CACNA1E: variants seen among roughly 807,000 people sequenced by gnomAD.
The protein encoded by CACNA1E is voltage-dependent R-type calcium channel subunit alpha-1E.
Under a neutral mutation model 259.2 loss-of-function variants are expected in CACNA1E, and 40 were observed. The observed-to-expected ratio is 0.15, with a 90% CI of 0.12 to 0.20. CACNA1E has a LOEUF of 0.20. Among genes scored for constraint, CACNA1E ranks in the 10% least tolerant of loss-of-function variants. CACNA1E has a pLI of 1.00. For synonymous variants in CACNA1E, 1,104 were observed against 1,138.5 expected (o/e 0.97, Z 0.61); for missense variants, 1,874 against 3,040.1 (o/e 0.62, Z 9.02).
rs552768814 is a variant in CACNA1E, at chr1:181,799,045, A to G, written c.*211A>G. 3.0e-5 allele frequency: 14 copies of G among 465,094 alleles called. No homozygotes were observed. Among genetic ancestry groups the G allele is most frequent in the Non-Finnish European group, 4.1e-5 (11 of 267,086 alleles). 28.8% of individuals were successfully genotyped at this position (465,094 alleles called of 1,614,324 possible). On this transcript the variant is annotated 3_prime_UTR_variant, in exon 48 of 48. Coordinates refer to ENST00000367573, the MANE Select transcript of CACNA1E (RefSeq NM_001205293.3). ...TCCCCTTTGCAAGATGGGCACTGCC[A>G]TAGTTCTGCCTCTTTGCTGGGGAAA...
chr1:181,517,339 G>A (rs1666661892), intron 3 of CACNA1E, among the ~76,000 whole-genome samples: 1 of 152,064 alleles, frequency 6.6e-6, no homozygotes. Flanking sequence ...CAGGTGGCAT[G>A]GGGAGAGACC....
At chr1:181,671,033 T>C (rs1648741449) in intron 7 of CACNA1E, among the ~76,000 whole-genome samples, 1 of 152,206 alleles carries the variant, frequency 6.6e-6, no homozygotes, top group Non-Finnish European at 1.5e-5. Context: ...TTTATTCATT[T>C]ATTATTATTG....
rs777061721 is a variant in CACNA1E, at chr1:181,793,678, G to A, written c.5912G>A (p.Ser1971Asn). Residue 1971 changes from serine (S) to asparagine (N), a missense_variant, in exon 45 of 48, where the codon AGT becomes AAT. Around this residue, in one of 14 missense-constraint regions of CACNA1E, gnomAD observed 542 missense variants for 587.2 expected, o/e 0.92. Coordinates refer to ENST00000367573, the MANE Select transcript of CACNA1E (RefSeq NM_001205293.3). ...QERQSLEPEV[S>N]ELKSVQPSNH... ...GTTTATTTCCAGGAGCCAGAGGTTA[G>A]TGAATTAAAAAGCGTGCAGCCCTCT... 3 of 1,610,112 alleles carry A rather than the reference G, an allele frequency of 1.9e-6. No individual in the cohort carries two copies. In the African/African-American group the frequency reaches 4.0e-5, roughly 21 times the overall value.
At chr1:181,694,172 T>C (rs141346535) in intron 7 of CACNA1E, among the ~76,000 whole-genome samples, 3 of 152,324 alleles carry the variant, frequency 2.0e-5, no homozygotes, top group African/African-American at 7.2e-5. Context: ...CCACGTGATG[T>C]TTAATTCGTG....
At chr1:181,602,673 A>G (rs1026632629) in intron 6 of CACNA1E, among the ~76,000 whole-genome samples, 5 of 152,154 alleles carry the variant, frequency 3.3e-5, no homozygotes, top group African/African-American at 1.2e-4. Context: ...AGTGGGCTGC[A>G]TTTGTGAGAT....
chr1:181,576,201 A>G (rs776661890), intron 3 of CACNA1E, among the ~76,000 whole-genome samples: 2 of 152,196 alleles, frequency 1.3e-5, no homozygotes, highest in Non-Finnish European at 2.9e-5. Flanking sequence ...TCTTATTTTT[A>G]GGTAGTATGA....
intron 6 of CACNA1E, among the ~76,000 whole-genome samples, chr1:181,613,770 T>A (rs1478876689): frequency 6.6e-6 from 1 of 152,204 alleles, no homozygotes; most frequent in African/African-American, 2.4e-5. Context: ...ATAAATGTCC[T>A]TTGTGGCATA....
chr1:181,788,525 G>A (rs1661034227), intron 43 of CACNA1E, among the ~76,000 whole-genome samples: 1 of 152,226 alleles, frequency 6.6e-6, no homozygotes, highest in African/African-American at 2.4e-5. Flanking sequence ...TGGTAGGGGA[G>A]TTGGAGAGAA....
chr1:181,391,868 C>G (rs1656301335), intron 1 of CACNA1E, among the ~76,000 whole-genome samples: 1 of 151,998 alleles, frequency 6.6e-6, no homozygotes, highest in South Asian at 2.1e-4. Flanking sequence ...GGAATCTGGT[C>G]TGCCACTCCA....
chr1:181,444,695 A>C (rs1401623207), intron 2 of CACNA1E, among the ~76,000 whole-genome samples: 1 of 152,218 alleles, frequency 6.6e-6, no homozygotes, highest in Non-Finnish European at 1.5e-5. Flanking sequence ...TGACCCCAGC[A>C]GATGCACTTT....
chr1:181,586,477 G>GA (rs1393566378), intron 6 of CACNA1E, among the ~76,000 whole-genome samples: 2 of 152,154 alleles, frequency 1.3e-5, no homozygotes, highest in African/African-American at 4.8e-5. Context: ...AGGTGAAGAG[G>GA]AAAACGGTTA....
chr1:181,765,228 T>G (rs1426637828), intron 34 of CACNA1E, among the ~76,000 whole-genome samples: 2 of 152,250 alleles, frequency 1.3e-5, no homozygotes, highest in Non-Finnish European at 2.9e-5. Flanking sequence ...TTTCCCTTAT[T>G]TTGTGTTAGA....
intron 7 of CACNA1E, among the ~76,000 whole-genome samples, chr1:181,655,899 A>C (rs778497669): frequency 5.9e-5 from 9 of 152,234 alleles, no homozygotes; most frequent in Non-Finnish European, 8.8e-5. Context: ...CATTTCAGTC[A>C]ATGACTGATG....
chr1:181,429,105 C>T (rs569983364), intron 2 of CACNA1E, among the ~76,000 whole-genome samples: 1 of 152,266 alleles, frequency 6.6e-6, no homozygotes, highest in South Asian at 2.1e-4. Flanking sequence ...TCGCTTGAAC[C>T]TGGGAAGCAG....
Position 181,715,361 on chromosome 1 carries a change from A to C in CACNA1E, c.1195A>C (p.Asn399His). The change falls in exon 9 of 48, where the codon AAT (asparagine) becomes CAT (histidine). Residue 399 changes from asparagine to histidine, a missense_variant. Transcript: ENST00000367573. ...AGAGGAAGTCATGCTCGCTGAAGAA[A>C]ATAAAAATGCTGGAACATCCGCCTT... ...KAEEVMLAEENKNAGTSALEV... is the reference protein window; with the variant it reads ...KAEEVMLAEEHKNAGTSALEV... The C allele has an allele frequency of 6.2e-7, 1 of 1,601,862 alleles. No individual in the cohort carries two copies. The highest frequency in any genetic ancestry group is 8.5e-7 in the Non-Finnish European group (1 of 1,171,228).
At chr1:181,662,834 A>G (rs1647823004) in intron 7 of CACNA1E, among the ~76,000 whole-genome samples, 1 of 152,198 alleles carries the variant, frequency 6.6e-6, no homozygotes, top group South Asian at 2.1e-4. Context: ...GGGAACAGCA[A>G]AGACAGACTG....
chr1:181,521,652 A>G (rs976475710), intron 3 of CACNA1E, among the ~76,000 whole-genome samples: 6 of 152,234 alleles, frequency 3.9e-5, no homozygotes, highest in African/African-American at 1.4e-4. Flanking sequence ...CTTGCTGTCC[A>G]GCAGAGAAGA....
intron 1 of CACNA1E, among the ~76,000 whole-genome samples, chr1:181,327,986 G>T (rs570476875): frequency 1.3e-5 from 2 of 152,316 alleles, no homozygotes; most frequent in East Asian, 3.9e-4. Flanking sequence ...GGATGCTGGA[G>T]CCTCTCTCTT....
chr1:181,354,776 G>T, intron 1 of CACNA1E, among the ~76,000 whole-genome samples: 1 of 152,148 alleles, frequency 6.6e-6, no homozygotes, highest in African/African-American at 2.4e-5. Flanking sequence ...ATGGGTGAGG[G>T]CAAGGGTGCC....
Sources: allele counts gnomAD v4.1 joint callset (sites outside exome capture counted in the v4.1 genomes callset), GRCh38; gene constraint gnomAD v4.1.1; regional missense constraint gnomAD v4.1.1; transcripts MANE v1.5; gene names NCBI Gene and HGNC (gene_info 2026-07-23, HGNC 2026-07-21).